DAB1: variants seen among roughly 807,000 people sequenced by gnomAD.
DAB1 encodes the protein DAB adaptor protein 1.
DAB1 carries 15 observed loss-of-function variants against 64.6 expected under a neutral mutation model. The ratio of observed to expected loss-of-function variants is 0.23; its 90% CI spans 0.16 to 0.36. DAB1 has a LOEUF of 0.36. Ranked by LOEUF, DAB1 falls within the 10% of genes least tolerant of loss-of-function variation. The probability of loss-of-function intolerance (pLI) is 1.00; values close to 1 mark genes in which losing one functional copy is unlikely to be tolerated. For synonymous variants in DAB1, 235 were observed against 251.9 expected (o/e 0.93, Z 0.64); for missense variants, 596 against 706.7 (o/e 0.84, Z 1.78).
intron 6 of DAB1, among the ~76,000 whole-genome samples, chr1:57,659,978 A>AAAGTAAATAAAT (rs148942627): frequency 1.4e-5 from 2 of 138,724 alleles, no homozygotes; most frequent in Non-Finnish European, 1.5e-5. Flanking sequence ...CTCTCTCTCA[A>AAAGTAAATAAAT]AAATAAATAA....
chr1:57,432,974 A>G (rs929274098), intron 7 of DAB1, among the ~76,000 whole-genome samples: 31 of 152,336 alleles, frequency 2.0e-4, no homozygotes, highest in African/African-American at 7.0e-4. Flanking sequence ...AACTTAAAAT[A>G]TCATTTATAA....
At chr1:58,310,415 A>C (rs1662399432) in intron 4 of DAB1, among the ~76,000 whole-genome samples, 1 of 152,220 alleles carries the variant, frequency 6.6e-6, no homozygotes, top group African/African-American at 2.4e-5. Context: ...AGAACATTAT[A>C]GGAGAGTATA....
At chr1:58,043,359 T>C (rs1647168803) in intron 5 of DAB1, among the ~76,000 whole-genome samples, 1 of 152,174 alleles carries the variant, frequency 6.6e-6, no homozygotes, top group Non-Finnish European at 1.5e-5. Flanking sequence ...ATTTGGATAA[T>C]ATATTTCTTT....
At chr1:57,941,532 T>C (rs991984958) in intron 5 of DAB1, among the ~76,000 whole-genome samples, 1 of 152,244 alleles carries the variant, frequency 6.6e-6, no homozygotes, top group Non-Finnish European at 1.5e-5. Context: ...TCATTGTTTT[T>C]ATCTGGTTTA....
chr1:57,261,598 T>A (rs115317855), intron 2 of DAB1, among the ~76,000 whole-genome samples: 1 of 152,088 alleles, frequency 6.6e-6, no homozygotes, highest in Non-Finnish European at 1.5e-5. Flanking sequence ...TACTTCTCCA[T>A]AGAGTGTGAC....
intron 4 of DAB1, among the ~76,000 whole-genome samples, chr1:57,111,395 A>G (rs1570712665): frequency 6.6e-6 from 1 of 152,316 alleles, no homozygotes. Flanking sequence ...GACACAGTCC[A>G]GACAACACAG....
At chr1:57,114,048 G>A (rs1158073731) in intron 4 of DAB1, among the ~76,000 whole-genome samples, 1 of 152,102 alleles carries the variant, frequency 6.6e-6, no homozygotes, top group East Asian at 1.9e-4. Context: ...AAACTGACCT[G>A]GTCTCCCTGC....
Position 57,069,378 on chromosome 1 carries a change from C to T in DAB1, c.645G>A (p.Thr215=), listed in dbSNP as rs267598673. ...AGHEPIRDPE[T]EENIYQVPTS... is the part of the protein sequence containing the mutation. Reference sequence around the variant, plus strand: ...TTTATACCTGATAAATGTTTTCTTCCGTTTCGGGATCACGGATTGGCTCGT... The same window carrying T: ...TTTATACCTGATAAATGTTTTCTTCTGTTTCGGGATCACGGATTGGCTCGT... Residue 215 remains threonine, a synonymous_variant, in exon 8 of 15, where the codon ACG becomes ACA. Coordinates refer to ENST00000371236, the MANE Select transcript of DAB1 (RefSeq NM_001365792.1). 8.7e-6 allele frequency: 14 copies of T among 1,613,296 alleles called. No homozygotes were observed. The highest frequency in any genetic ancestry group is 1.3e-5 in the African/African-American group (1 of 74,868).
chr1:57,371,294 C>T (rs1680477412), intron 1 of DAB1, among the ~76,000 whole-genome samples: 1 of 152,184 alleles, frequency 6.6e-6, no homozygotes, highest in African/African-American at 2.4e-5. Flanking sequence ...CTGTTGAAAT[C>T]GCCACAAAAA....
chr1:57,980,355 G>T (rs1003067854), intron 5 of DAB1, among the ~76,000 whole-genome samples: 1 of 151,978 alleles, frequency 6.6e-6, no homozygotes, highest in Non-Finnish European at 1.5e-5. Flanking sequence ...TAAGGTCTAG[G>T]TGAAATATCC....
chr1:57,849,870 A>G (rs1327500300), intron 1 of DAB1, among the ~76,000 whole-genome samples: 1 of 152,238 alleles, frequency 6.6e-6, no homozygotes, highest in East Asian at 1.9e-4. Context: ...TAAAATGGGA[A>G]GCATAATTCA....
At chr1:57,201,558 G>C (rs197613) in intron 2 of DAB1, among the ~76,000 whole-genome samples, 85,738 of 151,644 alleles carry the variant, frequency 0.57, 25,758 homozygotes, top group African/African-American at 0.78. Context: ...CCCTATTTAC[G>C]ATTTGATGTG....
intron 6 of DAB1, among the ~76,000 whole-genome samples, chr1:57,689,999 C>T (rs1487150690): frequency 6.6e-6 from 1 of 152,100 alleles, no homozygotes; most frequent in Non-Finnish European, 1.5e-5. Context: ...TAAGTGATAA[C>T]ACATCATGTT....
At chr1:57,988,219 G>A (rs1478395292) in intron 5 of DAB1, among the ~76,000 whole-genome samples, 2 of 152,132 alleles carry the variant, frequency 1.3e-5, no homozygotes, top group South Asian at 2.1e-4. Flanking sequence ...GACTGAGCTT[G>A]CCAGGGAAGC....
intron 5 of DAB1, among the ~76,000 whole-genome samples, chr1:58,067,932 T>G (rs1570307463): frequency 6.6e-6 from 1 of 152,362 alleles, no homozygotes; most frequent in Admixed American, 6.5e-5. Context: ...CATAATAATC[T>G]TTATCTCAAC....
chr1:57,813,821 T>C (rs1183424098), intron 6 of DAB1, among the ~76,000 whole-genome samples: 2 of 152,248 alleles, frequency 1.3e-5, no homozygotes, highest in African/African-American at 2.4e-5. Flanking sequence ...GCCTTATAGA[T>C]AATTCATAGA....
intron 3 of DAB1, among the ~76,000 whole-genome samples, chr1:58,426,929 G>C (rs542226744): frequency 6.6e-6 from 1 of 152,344 alleles, no homozygotes; most frequent in South Asian, 2.1e-4. Flanking sequence ...GCTAGGAAAG[G>C]CCTCACTGCA....
chr1:57,010,551 C>A, intron 14 of DAB1, 129 bp downstream of exon 14: 1 of 492,390 alleles, frequency 2.0e-6, no homozygotes, highest in Non-Finnish European at 3.7e-6. Context: ...ATGGTGCAAA[C>A]ATCAGCAATA....
chr1:58,034,147 A>G (rs1647010232), intron 5 of DAB1, among the ~76,000 whole-genome samples: 1 of 152,246 alleles, frequency 6.6e-6, no homozygotes, highest in African/African-American at 2.4e-5. Context: ...CTGTTTCGCT[A>G]GCAGTCACTC....
Sources: allele counts gnomAD v4.1 joint callset (sites outside exome capture counted in the v4.1 genomes callset), GRCh38; gene constraint gnomAD v4.1.1; transcripts MANE v1.5; gene names NCBI Gene and HGNC (gene_info 2026-07-23, HGNC 2026-07-21).